The following ANK1 variants were observed in gnomAD, a reference collection of about 807,000 sequenced individuals.
ANK1 encodes ankyrin 1.
ANK1 carries 51 observed loss-of-function variants against 210.4 expected under a neutral mutation model. That is an observed-to-expected ratio of 0.24 (90% CI 0.19 to 0.31). The LOEUF (loss-of-function observed/expected upper bound fraction) is 0.31, where lower values mean the gene tolerates loss of function less well. Among genes scored for constraint, ANK1 ranks in the 10% least tolerant of loss-of-function variants. The probability of loss-of-function intolerance (pLI) is 1.00; values close to 1 mark genes in which losing one functional copy is unlikely to be tolerated. For missense variants in ANK1, 2,051 were observed against 2,504.4 expected (o/e 0.82, Z 3.86); for synonymous variants, 967 against 1,025.9 (o/e 0.94, Z 1.10).
intron 1 of ANK1, among the ~76,000 whole-genome samples, chr8:41,811,661 G>C (rs971954098): frequency 6.6e-6 from 1 of 152,216 alleles, no homozygotes; most frequent in African/African-American, 2.4e-5. Flanking sequence ...CCAGAGCACG[G>C]AACCTCCCAA....
chr8:41,699,587 G>A (rs747513132), intron 22 of ANK1, 39 bp from the exon 23 acceptor site: 1 of 1,583,038 alleles, frequency 6.3e-7, no homozygotes, highest in South Asian at 1.1e-5. Flanking sequence ...CGGGGTAGAG[G>A]AAGAAGAGTC....
chr8:41,664,925 C>T, intron 39 of ANK1: 2 of 1,614,274 alleles, frequency 1.2e-6, no homozygotes, highest in Non-Finnish European at 1.7e-6. Context: ...GCACAAAGCA[C>T]AGGGACCCCC....
intron 1 of ANK1, among the ~76,000 whole-genome samples, chr8:41,806,456 G>T (rs762307552): frequency 2.6e-5 from 4 of 152,082 alleles, no homozygotes; most frequent in Non-Finnish European, 4.4e-5. Flanking sequence ...TGTTCATGTC[G>T]GTAATCCCAG....
chr8:41,851,462 T>C (rs945888290), intron 1 of ANK1, among the ~76,000 whole-genome samples: 1 of 152,196 alleles, frequency 6.6e-6, no homozygotes, highest in Non-Finnish European at 1.5e-5. Context: ...AGGCAAGCAG[T>C]GGTGTTGACT....
chr8:41,886,799 T>C lies in ANK1; in HGVS notation c.126+9556A>G, dbSNP rs1040717346. 2.0e-5 allele frequency among the ~76,000 whole-genome samples: 3 copies of C among 152,212 alleles called. 1 individual carries two copies. The highest frequency in any genetic ancestry group is 4.4e-5 in the Non-Finnish European group (3 of 68,024). On this transcript the variant is annotated intron_variant, in intron 1 of 42. Coordinates refer to the ANK1 transcript ENST00000265709. The stretch of plus-strand genomic sequence containing the variant: ...AGGGAGGAAGCCTGGTTAACCAGCC[T>C]GGACTTCATTCTAAGGGCAATTAGG...
At chr8:41,736,066 G>C (rs1470598104) in intron 2 of ANK1, among the ~76,000 whole-genome samples, 3 of 152,140 alleles carry the variant, frequency 2.0e-5, no homozygotes, top group African/African-American at 7.2e-5. Flanking sequence ...TTCAGTGAAG[G>C]GTCCAAAGCT....
At chr8:41,854,979 G>A (rs1811932846) in intron 1 of ANK1, among the ~76,000 whole-genome samples, 1 of 151,220 alleles carries the variant, frequency 6.6e-6, no homozygotes, top group Non-Finnish European at 1.5e-5. Context: ...AAAGCAGAAC[G>A]CTGGTCCCTA....
At chr8:41,715,540 C>T (rs914152880) in intron 14 of ANK1, 112 bp downstream of exon 14, 1 of 1,375,516 alleles carries the variant, frequency 7.3e-7, no homozygotes, top group Non-Finnish European at 1.0e-6. Context: ...CTTCCAGCTG[C>T]TTGCAGCATC....
chr8:41,837,041 G>C lies in ANK1; in HGVS notation c.126+59314C>G, dbSNP rs575313661. Among the ~76,000 whole-genome samples the C allele has an allele frequency of 6.6e-5, 10 of 152,286 alleles. No homozygotes were observed. In the South Asian group the frequency reaches 1.9e-3, roughly 28 times the overall value. ...TGTGACGTCCCCCCAAGGGCAATGA[G>C]CATTGGTTAAATGAGATAAAACCAG... is the stretch of plus-strand genomic sequence containing the variant. On this transcript the variant is annotated intron_variant, in intron 1 of 42. Coordinates refer to the ANK1 transcript ENST00000265709.
chr8:41,767,940 C>T (rs1842222129), intron 1 of ANK1, among the ~76,000 whole-genome samples: 1 of 152,176 alleles, frequency 6.6e-6, no homozygotes. Flanking sequence ...TCGTGAGATA[C>T]CAGTTAATCA....
chr8:41,672,731 G>A lies in ANK1; in HGVS notation c.4719C>T (p.Leu1573=). Residue 1573 remains leucine, a synonymous_variant, in exon 38 of 43, where the codon CTC becomes CTT. Coordinates refer to ENST00000289734, the MANE Select transcript of ANK1 (RefSeq NM_000037.4). ...MSDMQVWSAG[L]TPSLVTAEDS... ...CCTCAGCAGTGACCAGAGAAGGCGT[G>A]AGGCCCGCAGACCACACCTGCATGT... The A allele has an allele frequency of 6.2e-7, 1 of 1,606,700 alleles. No individual in the cohort carries two copies. Among genetic ancestry groups the A allele is most frequent in the Non-Finnish European group, 8.5e-7 (1 of 1,174,838 alleles).
chr8:41,782,556 A>G (rs969875513), intron 1 of ANK1, among the ~76,000 whole-genome samples: 7 of 152,206 alleles, frequency 4.6e-5, no homozygotes, highest in Non-Finnish European at 7.4e-5. Flanking sequence ...CTTCCCCTAA[A>G]CATTGTAGAG....
intron 1 of ANK1, among the ~76,000 whole-genome samples, chr8:41,882,850 G>T (rs1817821926): frequency 6.6e-6 from 1 of 152,230 alleles, no homozygotes; most frequent in African/African-American, 2.4e-5. Flanking sequence ...GAGGAAGATG[G>T]CTGTGCCCGT....
rs1382311924 is a variant in ANK1, at chr8:41,822,099, AGAGAGAGAGAGAG to A, written c.127-63975_127-63963del. On this transcript the variant is annotated intron_variant, in intron 1 of 42. Transcript: ENST00000265709. ...GAGAGAGAGAGAGAGAGAGAGAGAGAGAGAGAGAGAGAGAGAAAGAAAGAGAAAGAAAGAGAAA... is the reference window on the plus strand; with the variant it reads ...GAGAGAGAGAGAGAGAGAGAGAGAGAAGAAAGAAAGAGAAAGAAAGAGAAA... Among the ~76,000 whole-genome samples, 21 of 47,922 alleles carry A rather than the reference AGAGAGAGAGAGAG, an allele frequency of 4.4e-4. 1 individual carries two copies. Among genetic ancestry groups the A allele is most frequent in the Admixed American group, 1.0e-3 (4 of 3,936 alleles). 31.4% of individuals were successfully genotyped at this position (47,922 alleles called of 152,430 possible).
At chr8:41,723,415 G>T in intron 8 of ANK1, 120 bp downstream of exon 8, 3 of 1,241,306 alleles carry the variant, frequency 2.4e-6, no homozygotes, top group Non-Finnish European at 2.4e-6. Flanking sequence ...TGCTGCAGGC[G>T]GCTCCGGGAG....
intron 1 of ANK1, among the ~76,000 whole-genome samples, chr8:41,773,257 C>T (rs1248459993): frequency 2.0e-5 from 3 of 152,048 alleles, no homozygotes; most frequent in Non-Finnish European, 2.9e-5. Flanking sequence ...GATCAGAGCC[C>T]GGATCAGGCC....
rs772184072 is a variant in ANK1, at chr8:41,725,855, C to A, written c.518G>T (p.Arg173Leu). 6.6e-5 allele frequency: 106 copies of A among 1,611,726 alleles called. 1 individual carries two copies. In the South Asian group the frequency reaches 1.1e-3, roughly 16 times the overall value. ...LINYGTKGKV[R>L]LPALHIAARN... ...GGCCGCGATGTGCAGGGCCGGGAGGCGCACCTTCCCCTTGGTGCCGTAGTT... is the reference window on the plus strand; with the variant it reads ...GGCCGCGATGTGCAGGGCCGGGAGGAGCACCTTCCCCTTGGTGCCGTAGTT... The change falls in exon 6 of 43, where the codon CGC becomes CTC. Residue 173 changes from arginine to leucine, a missense_variant. Transcript: ENST00000289734.
At chr8:41,729,381 T>TTTTTG (rs981664086) in intron 3 of ANK1, among the ~76,000 whole-genome samples, 1 of 151,420 alleles carries the variant, frequency 6.6e-6, no homozygotes, top group Non-Finnish European at 1.5e-5. Flanking sequence ...AGAAAGTGAG[T>TTTTTG]TTTTGTTTTG....
chr8:41,881,338 C>A (rs1292401783), intron 1 of ANK1, among the ~76,000 whole-genome samples: 1 of 152,194 alleles, frequency 6.6e-6, no homozygotes, highest in East Asian at 1.9e-4. Flanking sequence ...TCCTAATGTT[C>A]CCATTCTAAG....
Sources: allele counts gnomAD v4.1 joint callset (sites outside exome capture counted in the v4.1 genomes callset), GRCh38; gene constraint gnomAD v4.1.1; transcripts MANE v1.5; gene names NCBI Gene and HGNC (gene_info 2026-07-23, HGNC 2026-07-21).